The following OR14I1 variants were observed in gnomAD, a reference collection of about 807,000 sequenced individuals.
OR14I1 encodes the protein olfactory receptor 14I1.
For synonymous variants in OR14I1, 118 were observed against 71.1 expected, an observed-to-expected ratio of 1.66 and a Z score of -3.32; for missense variants, 279 against 181.8, an observed-to-expected ratio of 1.53 and a Z score of -3.07.
the OR14I1 span, among the ~76,000 whole-genome samples, chr1:248,695,032 A>C: frequency 6.6e-6 from 1 of 152,184 alleles, no homozygotes. Context: ...TACATTGGAC[A>C]GAGTAGCTTC....
At chr1:248,690,010 A>G in the OR14I1 span, among the ~76,000 whole-genome samples, 1 of 152,242 alleles carries the variant, frequency 6.6e-6, no homozygotes, top group Non-Finnish European at 1.5e-5. Context: ...GCAGAAATAA[A>G]TAAGATATTT....
At chr1:248,682,080 A>G (rs779811292) in exon 1 of OR14I1, 1 of 781,134 alleles carries the variant, frequency 1.3e-6, no homozygotes. Context: ...ATTTAGGCAC[A>G]GTGACTGAGA....
chr1:248,681,035 G>A (rs192062081), downstream of OR14I1, among the ~76,000 whole-genome samples: 4 of 151,068 alleles, frequency 2.6e-5, no homozygotes, highest in Non-Finnish European at 1.5e-5. Context: ...ACTAACAGGA[G>A]TGCAAGGCTA....
At chr1:248,681,671 T>C (rs749939940) in exon 1 of OR14I1, 2 of 781,028 alleles carry the variant, frequency 2.6e-6, no homozygotes, top group South Asian at 2.7e-5. Context: ...GAGATCATCA[T>C]GAGAATAAAG....
the OR14I1 span, among the ~76,000 whole-genome samples, chr1:248,688,592 G>T: frequency 2.0e-5 from 3 of 152,340 alleles, no homozygotes; most frequent in Non-Finnish European, 4.4e-5. Context: ...TTCTAATCTT[G>T]CTCTATAATC....
chr1:248,680,967 C>CGCGTGTGTGT (rs1553277282), downstream of OR14I1, among the ~76,000 whole-genome samples: 1 of 147,108 alleles, frequency 6.8e-6, no homozygotes. Context: ...AAACTGTGTG[C>CGCGTGTGTGT]GTGTGTGTGT....
At chr1:248,701,827 C>T in the OR14I1 span, among the ~76,000 whole-genome samples, 3 of 152,076 alleles carry the variant, frequency 2.0e-5, no homozygotes, top group Non-Finnish European at 4.4e-5. Context: ...TCTCAAAGAC[C>T]CTGTGTTAGT....
upstream of OR14I1, among the ~76,000 whole-genome samples, chr1:248,686,593 T>C (rs966703540): frequency 3.3e-5 from 4 of 119,526 alleles, 1 homozygote; most frequent in African/African-American, 1.2e-4. Flanking sequence ...GCTTGTTTCA[T>C]TGGAAAAAAA....
At chr1:248,687,943 T>C in the OR14I1 span, among the ~76,000 whole-genome samples, 1 of 152,274 alleles carries the variant, frequency 6.6e-6, no homozygotes, top group Non-Finnish European at 1.5e-5. Context: ...ACTAATTTAT[T>C]AAAGAATATC....
exon 1 of OR14I1, chr1:248,681,362 G>A (rs1269217868): frequency 1.4e-6 from 1 of 721,708 alleles, no homozygotes; most frequent in East Asian, 2.5e-5. Context: ...GTAAAGACCA[G>A]GATGTTCTAC....
the OR14I1 span, among the ~76,000 whole-genome samples, chr1:248,691,219 T>TA: frequency 6.6e-6 from 1 of 152,196 alleles, no homozygotes; most frequent in Non-Finnish European, 1.5e-5. Flanking sequence ...GAAGGGACCC[T>TA]TCATTCATTC....
the OR14I1 span, among the ~76,000 whole-genome samples, chr1:248,690,263 C>A: frequency 2.0e-5 from 3 of 151,784 alleles, no homozygotes; most frequent in Non-Finnish European, 2.9e-5. Context: ...AACAAAGAAG[C>A]CTTCAAAAAA....
At chr1:248,678,776 A>T (rs1257171952), downstream of OR14I1, among the ~76,000 whole-genome samples, 1 of 152,168 alleles carries the variant, frequency 6.6e-6, no homozygotes, top group Non-Finnish European at 1.5e-5. Flanking sequence ...GAACTATTAT[A>T]TTTAAAGCAT....
At chr1:248,702,472 T>G in the OR14I1 span, among the ~76,000 whole-genome samples, 2 of 152,180 alleles carry the variant, frequency 1.3e-5, no homozygotes, top group African/African-American at 4.8e-5. Flanking sequence ...TCAAGCCCAT[T>G]AAAAAATCCT....
chr1:248,695,334 C>T, the OR14I1 span, among the ~76,000 whole-genome samples: 3 of 149,594 alleles, frequency 2.0e-5, no homozygotes, highest in African/African-American at 7.4e-5. Flanking sequence ...CCCAGGTTCA[C>T]GTCATTCTCC....
chr1:248,679,290 G>C (rs1466588633), downstream of OR14I1, among the ~76,000 whole-genome samples: 3 of 152,094 alleles, frequency 2.0e-5, no homozygotes, highest in Non-Finnish European at 2.9e-5. Context: ...TAAAAAATTA[G>C]AATAATGTTA....
downstream of OR14I1, among the ~76,000 whole-genome samples, chr1:248,678,420 G>C (rs1038487866): frequency 2.0e-5 from 3 of 152,158 alleles, no homozygotes; most frequent in African/African-American, 7.2e-5. Context: ...CATGTGCAAT[G>C]TTTTCTCTGG....
the OR14I1 span, among the ~76,000 whole-genome samples, chr1:248,690,119 A>G: frequency 6.6e-6 from 1 of 152,248 alleles, no homozygotes; most frequent in Admixed American, 6.5e-5. Flanking sequence ...GCCACATCAG[A>G]AAGCAGGAAA....
chr1:248,694,270 C>G, the OR14I1 span, among the ~76,000 whole-genome samples: 40 of 151,988 alleles, frequency 2.6e-4, no homozygotes, highest in African/African-American at 9.4e-4. Context: ...TTTTCGGGAG[C>G]AAAAACAAAT....
Sources: allele counts gnomAD v4.1 joint callset (sites outside exome capture counted in the v4.1 genomes callset), GRCh38; gene constraint gnomAD v4.1.1; transcripts MANE v1.5; gene names NCBI Gene and HGNC (gene_info 2026-07-23, HGNC 2026-07-21).